PIAS2: variants seen among roughly 807,000 people sequenced by gnomAD.
The protein encoded by PIAS2 is protein inhibitor of activated STAT 2.
Under a neutral mutation model 69.7 loss-of-function variants are expected in PIAS2, and 19 were observed. The ratio of observed to expected loss-of-function variants is 0.27; its 90% CI spans 0.19 to 0.40. The LOEUF is 0.40. PIAS2 is among the 10% of genes least tolerant of loss of function. PIAS2 has a pLI of 1.00. For missense variants in PIAS2, 624 were observed against 757.0 expected, an observed-to-expected ratio of 0.82 and a Z score of 2.06; for synonymous variants, 261 against 263.2, an observed-to-expected ratio of 0.99 and a Z score of 0.08.
At chr18:46,900,947 C>A in intron 1 of PIAS2, 1 of 328,378 alleles carries the variant, frequency 3.0e-6, no homozygotes, top group Non-Finnish European at 5.8e-6. Flanking sequence ...GTACTCCAGC[C>A]TGGGTGATAA....
intron 1 of PIAS2, among the ~76,000 whole-genome samples, chr18:46,904,928 C>T (rs979152759): frequency 6.6e-6 from 1 of 151,920 alleles, no homozygotes; most frequent in African/African-American, 2.4e-5. Context: ...ATCGATAGAA[C>T]TACAAAGAAA....
At chr18:46,814,604 A>G (rs2041316708) in intron 13 of PIAS2, among the ~76,000 whole-genome samples, 1 of 152,178 alleles carries the variant, frequency 6.6e-6, no homozygotes, top group Non-Finnish European at 1.5e-5. Context: ...TAGCTGACTG[A>G]GCAGCCCATG....
chr18:46,910,293 T>A (rs936703538), intron 1 of PIAS2, among the ~76,000 whole-genome samples: 11 of 152,208 alleles, frequency 7.2e-5, no homozygotes, highest in African/African-American at 2.4e-4. Context: ...TTGCAGTGGA[T>A]GTGATCAGGA....
chr18:46,882,575 A>G (rs1034730893), intron 2 of PIAS2, among the ~76,000 whole-genome samples: 5 of 152,218 alleles, frequency 3.3e-5, no homozygotes, highest in African/African-American at 9.7e-5. Flanking sequence ...TATATGCAAA[A>G]GTTGTTCATA....
rs150969320 is a variant in PIAS2 at position 46,910,318 on chromosome 18, A to G, written c.24+7004T>C. Among the ~76,000 whole-genome samples the G allele has an allele frequency of 2.1e-3, 317 of 152,320 alleles. 1 individual carries two copies. In the Middle Eastern group the frequency reaches 0.031, roughly 15 times the overall value. The stretch of plus-strand genomic sequence containing the variant: ...TGTGATCAGGAAAGTGCATCCTGCT[A>G]AAGTTACACTAATGAATTAGTAAAC... On this transcript the variant is annotated intron_variant, in intron 1 of 13. Transcript: ENST00000585916.
In PIAS2 at chr18:46,917,434, C is replaced by T; in HGVS notation, c.-89G>A. 7.4e-7 allele frequency: 1 copy of T among 1,353,642 alleles called. No homozygotes were observed. The highest frequency in any genetic ancestry group is 9.5e-7 in the Non-Finnish European group (1 of 1,051,572). The allele number at this position is 1,353,642 out of a possible 1,614,324, so 83.9% of individuals were successfully genotyped here. A position where few individuals can be genotyped will look rare whatever the true frequency, so the allele number is the denominator to read the frequency against. On this transcript the variant is annotated 5_prime_UTR_variant, in exon 1 of 14. Coordinates refer to ENST00000585916, the MANE Select transcript of PIAS2 (RefSeq NM_004671.5). ...GCTGCCGCCACCACGGCCGCCGCCG[C>T]CTCCAGCACCATCCTGCACTGGGCG...
chr18:46,842,631 C>T (rs1353806958), intron 8 of PIAS2, among the ~76,000 whole-genome samples: 2 of 152,200 alleles, frequency 1.3e-5, no homozygotes, highest in Non-Finnish European at 2.9e-5. Flanking sequence ...GGCAATTTCA[C>T]TTGTTTCAAT....
chr18:46,907,760 G>A (rs901240028), intron 1 of PIAS2: 2 of 151,820 alleles, frequency 1.3e-5, no homozygotes, highest in South Asian at 2.1e-4. Context: ...ATATACAGAG[G>A]GCCAACTTTT....
At chr18:46,853,560 G>C (rs891462753) in intron 5 of PIAS2, 5 of 152,364 alleles carry the variant, frequency 3.3e-5, no homozygotes, top group African/African-American at 1.2e-4. Flanking sequence ...GGGAGGCCAA[G>C]GCAGGTGGAT....
In PIAS2 at chr18:46,805,149, T is replaced by A. The variant is rs762898046; in HGVS notation, c.*7284A>T. On this transcript the variant is annotated 3_prime_UTR_variant, in exon 14 of 14. Transcript: ENST00000585916. ...GGCCTGAAAAGAGGGCAATAACATT[T>A]GTTATAACTGATGAGAATGGGCAAA... The A allele has an allele frequency of 6.6e-6, 1 of 152,224 alleles. No homozygotes were observed. The highest frequency in any genetic ancestry group is 1.5e-5 in the Non-Finnish European group (1 of 68,058). The allele number at this position is 152,224 out of a possible 1,614,324, so 9.4% of individuals were successfully genotyped here. A position where few individuals can be genotyped will look rare whatever the true frequency, so the allele number is the denominator to read the frequency against.
At chr18:46,859,109 T>C (rs2048267968) in intron 3 of PIAS2, among the ~76,000 whole-genome samples, 2 of 151,742 alleles carry the variant, frequency 1.3e-5, no homozygotes, top group South Asian at 2.1e-4. Context: ...CCTTGCTGAG[T>C]TTTAAATATT....
At chr18:46,828,543 G>A (rs139315825) in intron 10 of PIAS2, among the ~76,000 whole-genome samples, 78 of 152,180 alleles carry the variant, frequency 5.1e-4, no homozygotes, top group African/African-American at 1.6e-3. Flanking sequence ...ATGTATTCTC[G>A]CACACATGTG....
At chr18:46,861,946 G>A (rs560982323) in intron 3 of PIAS2, among the ~76,000 whole-genome samples, 6 of 151,964 alleles carry the variant, frequency 3.9e-5, no homozygotes, top group Non-Finnish European at 7.4e-5. Context: ...ATTGTACTAT[G>A]GTGATATAAG....
chr18:46,858,403 A>T (rs950103097), intron 3 of PIAS2, among the ~76,000 whole-genome samples: 3 of 152,220 alleles, frequency 2.0e-5, no homozygotes, highest in Non-Finnish European at 4.4e-5. Context: ...GACCATTACA[A>T]TTGAAGAGGC....
chr18:46,906,773 T>TGTG (rs751728920), intron 1 of PIAS2, among the ~76,000 whole-genome samples: 1,503 of 80,686 alleles, frequency 0.019, 67 homozygotes, highest in Middle Eastern at 0.051. Context: ...TGTGTGTGTG[T>TGTG]GGGGGGGGGG....
chr18:46,840,237 G>A (rs1001474260), intron 8 of PIAS2, among the ~76,000 whole-genome samples: 1 of 152,060 alleles, frequency 6.6e-6, no homozygotes, highest in Admixed American at 6.6e-5. Context: ...ATCAATATTT[G>A]TATATTAGAA....
Position 46,917,360 on chromosome 18 carries a change from GGGC to G in PIAS2, c.-18_-16del. 6.8e-7 allele frequency: 1 copy of G among 1,461,090 alleles called. No individual in the cohort carries two copies. Among genetic ancestry groups the G allele is most frequent in the Non-Finnish European group, 9.1e-7 (1 of 1,101,004 alleles). 90.5% of individuals were successfully genotyped at this position (1,461,090 alleles called of 1,614,324 possible). ...AAATCCGCCATTTTATACCACCCGCGGGCGCCGCCGCCGCTGCCGCCGCACCCA... is the reference window on the plus strand; with the variant it reads ...AAATCCGCCATTTTATACCACCCGCGGCCGCCGCCGCTGCCGCCGCACCCA... On this transcript the variant is annotated 5_prime_UTR_variant, in exon 1 of 14. Transcript: ENST00000585916.
At chr18:46,865,692 A>G (rs533214880) in intron 2 of PIAS2, among the ~76,000 whole-genome samples, 124 of 152,330 alleles carry the variant, frequency 8.1e-4, no homozygotes, top group African/African-American at 2.9e-3. Context: ...ATTCTTTTCT[A>G]TAAGCACAGT....
At chr18:46,843,524 C>T (rs2045727535) in intron 8 of PIAS2, among the ~76,000 whole-genome samples, 1 of 152,118 alleles carries the variant, frequency 6.6e-6, no homozygotes, top group Non-Finnish European at 1.5e-5. Flanking sequence ...TCTAAGCAAG[C>T]CTCAATATTT....
Sources: allele counts gnomAD v4.1 joint callset (sites outside exome capture counted in the v4.1 genomes callset), GRCh38; gene constraint gnomAD v4.1.1; transcripts MANE v1.5; gene names NCBI Gene and HGNC (gene_info 2026-07-23, HGNC 2026-07-21).